The following ADRA1B variants were observed in gnomAD, a reference collection of about 807,000 sequenced individuals.
ADRA1B encodes the protein alpha-1B adrenergic receptor.
In ADRA1B, 17 loss-of-function variants were observed where a neutral mutation model predicts 17.9. That is an observed-to-expected ratio of 0.95 (90% CI 0.65 to 1.42). The LOEUF is 1.42. ADRA1B is among the 40% of genes most tolerant of loss of function. The pLI, the probability that ADRA1B is intolerant of heterozygous loss-of-function variation, is 0.00. For missense variants in ADRA1B, 681 were observed against 722.1 expected (o/e 0.94, Z 0.65); for synonymous variants, 366 against 327.6 (o/e 1.12, Z -1.27).
chr5:159,887,094 A>T (rs1322092764), intron 1 of ADRA1B, among the ~76,000 whole-genome samples: 1 of 152,202 alleles, frequency 6.6e-6, no homozygotes, highest in African/African-American at 2.4e-5. Context: ...TGTCAGACTC[A>T]TTCAAAGAAA....
chr5:159,927,971 A>G (rs1003936039), intron 1 of ADRA1B, among the ~76,000 whole-genome samples: 2 of 152,198 alleles, frequency 1.3e-5, no homozygotes, highest in Admixed American at 1.3e-4. Flanking sequence ...ATTTTTAAAT[A>G]AAGTGTTCAT....
intron 1 of ADRA1B, among the ~76,000 whole-genome samples, chr5:159,934,944 T>G (rs1754913754): frequency 6.6e-6 from 1 of 151,924 alleles, no homozygotes; most frequent in Non-Finnish European, 1.5e-5. Context: ...AGAATTGTAG[T>G]GAGGAATAAA....
chr5:159,943,390 A>G (rs1755187097), intron 1 of ADRA1B, among the ~76,000 whole-genome samples: 1 of 152,208 alleles, frequency 6.6e-6, no homozygotes, highest in South Asian at 2.1e-4. Context: ...AAACAAACTT[A>G]CCTCTTAAAC....
Position 159,930,600 on chromosome 5 carries a change from A to C in ADRA1B, c.949+12746A>C, listed in dbSNP as rs531477733. The stretch of plus-strand genomic sequence containing the variant: ...TCTCAAAAACAAACAAACAAACAAA[A>C]AAAATAGGTTAGATATACATCTACT... On this transcript the variant is annotated intron_variant, in intron 1 of 1. Transcript: ENST00000306675. Among the ~76,000 whole-genome samples, 14 of 152,346 alleles carry C rather than the reference A, an allele frequency of 9.2e-5. No individual in the cohort carries two copies. In the East Asian group the frequency reaches 1.7e-3, roughly 19 times the overall value.
chr5:159,912,494 C>G (rs1754237559), upstream of ADRA1B, among the ~76,000 whole-genome samples: 1 of 152,260 alleles, frequency 6.6e-6, no homozygotes, highest in African/African-American at 2.4e-5. Context: ...ACAGCTCTCC[C>G]TTTCCCTCCC....
At chr5:159,877,494 G>A (rs546910544) in intron 1 of ADRA1B, among the ~76,000 whole-genome samples, 18 of 152,268 alleles carry the variant, frequency 1.2e-4, no homozygotes, top group South Asian at 8.3e-4. Context: ...CCATGTTGGC[G>A]TCATGCTCTC....
chr5:159,948,425 G>A (rs768349182), intron 1 of ADRA1B: 1 of 985,296 alleles, frequency 1.0e-6, no homozygotes, highest in Non-Finnish European at 1.2e-6. Context: ...AAGCCACAAA[G>A]CGTTTTTCAA....
chr5:159,900,825 G>C (rs553263856), intron 1 of ADRA1B, among the ~76,000 whole-genome samples: 5 of 152,360 alleles, frequency 3.3e-5, no homozygotes, highest in Admixed American at 1.3e-4. Context: ...GACCAGCTCA[G>C]AGTGTCTTCA....
the ADRA1B span, among the ~76,000 whole-genome samples, chr5:159,982,121 C>G: frequency 6.6e-6 from 1 of 152,180 alleles, no homozygotes; most frequent in Non-Finnish European, 1.5e-5. Flanking sequence ...GCTAAGGTCC[C>G]GGCCAACAGT....
chr5:159,950,880 G>A (rs903793975), intron 1 of ADRA1B: 3 of 587,296 alleles, frequency 5.1e-6, no homozygotes, highest in African/African-American at 1.8e-5. Flanking sequence ...GTAGAGGCAG[G>A]GGTGATGTTC....
intron 1 of ADRA1B, among the ~76,000 whole-genome samples, chr5:159,899,655 C>T (rs1054421064): frequency 1.3e-5 from 2 of 152,150 alleles, no homozygotes; most frequent in Non-Finnish European, 2.9e-5. Context: ...ACAGTCATAA[C>T]CTGCACAACG....
intron 1 of ADRA1B, among the ~76,000 whole-genome samples, chr5:159,883,285 G>A (rs1200297107): frequency 6.6e-6 from 1 of 152,124 alleles, no homozygotes; most frequent in Non-Finnish European, 1.5e-5. Context: ...CTGGCACGAT[G>A]ATTCTTTTAT....
At chr5:159,871,538 C>T (rs1753739611) in intron 1 of ADRA1B, among the ~76,000 whole-genome samples, 1 of 152,132 alleles carries the variant, frequency 6.6e-6, no homozygotes, top group African/African-American at 2.4e-5. Context: ...TGCAGCTCCT[C>T]CCCTGTGTCC....
At chr5:159,974,969 A>C (rs995226771), downstream of ADRA1B, among the ~76,000 whole-genome samples, 1 of 152,138 alleles carries the variant, frequency 6.6e-6, no homozygotes, top group Non-Finnish European at 1.5e-5. Context: ...TGCTTTGTCC[A>C]GTACCTTTTA....
intron 1 of ADRA1B, among the ~76,000 whole-genome samples, chr5:159,894,233 T>A (rs58363375): frequency 6.6e-6 from 1 of 152,218 alleles, no homozygotes; most frequent in Non-Finnish European, 1.5e-5. Flanking sequence ...TGGCCTTAAA[T>A]AAAACAAATG....
intron 1 of ADRA1B, among the ~76,000 whole-genome samples, chr5:159,968,200 TC>T (rs1052800594): frequency 6.6e-6 from 1 of 152,072 alleles, no homozygotes; most frequent in African/African-American, 2.4e-5. Context: ...GGTCTCTTGA[TC>T]CAAAAAAATG....
intron 1 of ADRA1B, among the ~76,000 whole-genome samples, chr5:159,886,370 C>T (rs776646821): frequency 2.0e-5 from 3 of 152,178 alleles, no homozygotes; most frequent in South Asian, 2.1e-4. Flanking sequence ...ATGTGAATCT[C>T]CTGGAAAATC....
intron 1 of ADRA1B, among the ~76,000 whole-genome samples, chr5:159,867,405 TC>T (rs766291033): frequency 2.8e-4 from 43 of 152,322 alleles, no homozygotes; most frequent in South Asian, 6.2e-4. Flanking sequence ...ATCATGCAGT[TC>T]TGGGGAGTGA....
chr5:159,884,363 C>G (rs950132075), intron 1 of ADRA1B, among the ~76,000 whole-genome samples: 3 of 152,148 alleles, frequency 2.0e-5, no homozygotes, highest in African/African-American at 7.2e-5. Flanking sequence ...TGCCCTCATG[C>G]AAGGATTAAT....
Sources: gnomAD v4.1 joint callset for allele counts (sites outside exome capture counted in the v4.1 genomes callset) on GRCh38, gnomAD v4.1.1 for gene constraint, MANE v1.5 for transcripts, NCBI Gene and HGNC (gene_info 2026-07-23, HGNC 2026-07-21) for gene names.